The following LAMB4 variants were observed in gnomAD, a reference collection of about 807,000 sequenced individuals.
LAMB4 encodes the protein laminin subunit beta-4.
In LAMB4, 196 loss-of-function variants were observed where a neutral mutation model predicts 199.2. The observed-to-expected ratio is 0.98, with a 90% confidence interval of 0.88 to 1.11. The LOEUF (loss-of-function observed/expected upper bound fraction) is 1.11, where lower values mean the gene tolerates loss of function less well. LAMB4 is among the 50% of genes least tolerant of loss of function. The pLI is 0.00. For synonymous variants in LAMB4, 744 were observed against 770.6 expected (o/e 0.97, Z 0.57); for missense variants, 2,080 against 2,171.2 (o/e 0.96, Z 0.83).
chr7:108,064,892 C>G (rs1262780594), intron 21 of LAMB4, among the ~76,000 whole-genome samples: 2 of 138,168 alleles, frequency 1.4e-5, no homozygotes, highest in Non-Finnish European at 3.0e-5. Context: ...TGTGTAAATA[C>G]CTTTTTTTTT....
intron 8 of LAMB4, among the ~76,000 whole-genome samples, chr7:108,105,001 C>T (rs923183710): frequency 2.0e-5 from 3 of 151,902 alleles, no homozygotes; most frequent in Admixed American, 6.6e-5. Flanking sequence ...GAAAAGGGAA[C>T]GAAGCTGAAG....
chr7:108,117,891 C>T (rs113478025), intron 2 of LAMB4, among the ~76,000 whole-genome samples: 6,565 of 152,228 alleles, frequency 0.043, 477 homozygotes, highest in African/African-American at 0.14. Flanking sequence ...AGGTCACTGT[C>T]GCGGCCATCT....
At chr7:108,124,952 A>G (rs1412557651) in intron 1 of LAMB4, among the ~76,000 whole-genome samples, 2 of 152,136 alleles carry the variant, frequency 1.3e-5, no homozygotes, top group Admixed American at 6.5e-5. Context: ...AAGTCTTTTT[A>G]GGGTGTTTTG....
At chr7:108,095,777 C>T (rs2037572724) in intron 11 of LAMB4, among the ~76,000 whole-genome samples, 1 of 152,156 alleles carries the variant, frequency 6.6e-6, no homozygotes, top group Non-Finnish European at 1.5e-5. Flanking sequence ...CTTAATTCCC[C>T]CCTCCTTCTT....
At chr7:108,109,712 G>A (rs419031) in intron 4 of LAMB4, among the ~76,000 whole-genome samples, 57,436 of 151,932 alleles carry the variant, frequency 0.38, 11,316 homozygotes, top group Non-Finnish European at 0.42. Flanking sequence ...ACAGCTTGGA[G>A]TATTCCCCTT....
intron 16 of LAMB4, among the ~76,000 whole-genome samples, chr7:108,077,654 A>G (rs1449005559): frequency 1.3e-5 from 2 of 152,094 alleles, no homozygotes; most frequent in African/African-American, 4.8e-5. Flanking sequence ...AGATCATGCC[A>G]TTGCACTCTA....
At chr7:108,104,111 G>A (rs547450010) in intron 9 of LAMB4, among the ~76,000 whole-genome samples, 2 of 152,094 alleles carry the variant, frequency 1.3e-5, no homozygotes, top group African/African-American at 4.8e-5. Flanking sequence ...CTACAGATGG[G>A]TTTAAGGTCA....
chr7:108,112,425 G>C (rs113543122), intron 3 of LAMB4, among the ~76,000 whole-genome samples: 3,437 of 151,824 alleles, frequency 0.023, 129 homozygotes, highest in African/African-American at 0.078. Context: ...CTGAGGAGCT[G>C]GGATTACAGG....
intron 14 of LAMB4, among the ~76,000 whole-genome samples, chr7:108,086,260 A>G (rs1218256276): frequency 6.6e-6 from 1 of 152,088 alleles, no homozygotes; most frequent in Non-Finnish European, 1.5e-5. Flanking sequence ...TGAGACCCAA[A>G]GCTAAACTTG....
At chr7:108,116,341 A>C (rs113783978) in intron 2 of LAMB4, among the ~76,000 whole-genome samples, 180 bp from the exon 3 acceptor site, 3 of 152,260 alleles carry the variant, frequency 2.0e-5, no homozygotes, top group African/African-American at 7.2e-5. Context: ...GGGTGGCATG[A>C]GGTGTAATAC....
intron 23 of LAMB4, 68 bp from the exon 24 acceptor site, chr7:108,057,996 G>T: frequency 3.7e-6 from 4 of 1,076,292 alleles, no homozygotes. Flanking sequence ...ATTTTAATAG[G>T]AAATATTTTC....
chr7:108,032,637 A>G (rs1056617216), intron 31 of LAMB4, among the ~76,000 whole-genome samples: 3 of 151,884 alleles, frequency 2.0e-5, no homozygotes, highest in Non-Finnish European at 2.9e-5. Context: ...AGCAAATCTT[A>G]GTGGAGATGT....
chr7:108,049,586 A>G (rs1456195635), intron 26 of LAMB4, 55 bp from the exon 27 acceptor site: 6 of 958,880 alleles, frequency 6.3e-6, no homozygotes, highest in South Asian at 3.2e-5. Flanking sequence ...ATGAAATTAT[A>G]TATAAGTTAT....
At chr7:108,123,235 A>G (rs558189531) in intron 1 of LAMB4, 38 bp from the exon 2 acceptor site, 1 of 1,253,114 alleles carries the variant, frequency 8.0e-7, no homozygotes, top group Admixed American at 2.0e-5. Flanking sequence ...CACTGATAGA[A>G]GAAATAATTG....
chr7:108,096,922 C>G (rs2150628380), intron 11 of LAMB4, among the ~76,000 whole-genome samples: 1 of 68,388 alleles, frequency 1.5e-5, no homozygotes, highest in African/African-American at 5.5e-5. Flanking sequence ...GATGACAAAA[C>G]AAGACTCTGT....
intron 10 of LAMB4, among the ~76,000 whole-genome samples, chr7:108,100,964 T>C (rs544488623): frequency 2.0e-5 from 3 of 152,352 alleles, no homozygotes; most frequent in African/African-American, 4.8e-5. Flanking sequence ...AAACATTTCA[T>C]TGATGCATTT....
intron 14 of LAMB4, among the ~76,000 whole-genome samples, chr7:108,089,206 TTC>T (rs2037302821): frequency 1.3e-5 from 2 of 152,208 alleles, no homozygotes; most frequent in Non-Finnish European, 2.9e-5. Context: ...TCTGGGTGTC[TTC>T]TTCAGTCTCT....
At chr7:108,095,155 C>A in intron 12 of LAMB4, 73 bp downstream of exon 12, 1 of 1,094,312 alleles carries the variant, frequency 9.1e-7, no homozygotes, top group Non-Finnish European at 1.4e-6. Context: ...TTAGCAAAAC[C>A]AAGTCTTACC....
chr7:108,081,781 G>A (rs2036952256), intron 14 of LAMB4, among the ~76,000 whole-genome samples: 14 of 152,186 alleles, frequency 9.2e-5, no homozygotes. Context: ...ACTGACTTGA[G>A]CAGTATTTCT....
Sources: gnomAD v4.1 joint callset for allele counts (sites outside exome capture counted in the v4.1 genomes callset) on GRCh38, gnomAD v4.1.1 for gene constraint, MANE v1.5 for transcripts, NCBI Gene and HGNC (gene_info 2026-07-23, HGNC 2026-07-21) for gene names.